Variants in CALD1 observed in about 807,000 individuals in gnomAD.
CALD1 encodes the protein caldesmon.
CALD1 carries 33 observed loss-of-function variants against 99.9 expected under a neutral mutation model. The observed-to-expected ratio is 0.33, with a 90% confidence interval of 0.25 to 0.44. The LOEUF is 0.44. Among genes scored for constraint, CALD1 ranks in the 20% least tolerant of loss-of-function variants. The probability of loss-of-function intolerance (pLI) is 1.00; values close to 1 mark genes in which losing one functional copy is unlikely to be tolerated. For synonymous variants in CALD1, 310 were observed against 325.0 expected (o/e 0.95, Z 0.50); for missense variants, 861 against 962.1 (o/e 0.89, Z 1.39).
intron 3 of CALD1, among the ~76,000 whole-genome samples, chr7:134,904,144 A>G (rs1425721064): frequency 6.6e-6 from 1 of 152,016 alleles, no homozygotes; most frequent in Non-Finnish European, 1.5e-5. Flanking sequence ...AATCACTTTA[A>G]CCCAGGAGGC....
At chr7:134,733,605 G>A in the CALD1 span, among the ~76,000 whole-genome samples, 4 of 151,796 alleles carry the variant, frequency 2.6e-5, no homozygotes, top group East Asian at 5.8e-4. Flanking sequence ...TCAGGAGATC[G>A]AGACCATCCT....
At chr7:134,895,057 C>T (rs1802462778) in intron 3 of CALD1, among the ~76,000 whole-genome samples, 1 of 151,394 alleles carries the variant, frequency 6.6e-6, no homozygotes, top group Non-Finnish European at 1.5e-5. Context: ...GTTCATCCCA[C>T]TGTTTTCTGA....
intron 3 of CALD1, among the ~76,000 whole-genome samples, chr7:134,918,626 A>G (rs547565086): frequency 5.9e-5 from 9 of 152,372 alleles, no homozygotes; most frequent in Non-Finnish European, 1.3e-4. Flanking sequence ...AGAGGAGCAC[A>G]TAAGGATCCC....
chr7:134,962,630 G>T (rs1808366041), intron 13 of CALD1, among the ~76,000 whole-genome samples: 1 of 152,180 alleles, frequency 6.6e-6, no homozygotes, highest in South Asian at 2.1e-4. Context: ...CTACTGGGAT[G>T]TCCCTTGCTA....
At chr7:134,853,305 G>A (rs1800155719) in intron 2 of CALD1, among the ~76,000 whole-genome samples, 1 of 152,138 alleles carries the variant, frequency 6.6e-6, no homozygotes, top group Non-Finnish European at 1.5e-5. Context: ...TTATTTATCT[G>A]CACCTAGGGG....
chr7:134,959,887 T>C, intron 11 of CALD1, 87 bp from the exon 12 acceptor site: 2 of 1,392,066 alleles, frequency 1.4e-6, no homozygotes, highest in Non-Finnish European at 2.0e-6. Flanking sequence ...ATTTTTAAGA[T>C]GATAATGTTG....
intron 1 of CALD1, among the ~76,000 whole-genome samples, chr7:134,761,238 C>T (rs1796773707): frequency 1.3e-5 from 2 of 152,188 alleles, no homozygotes; most frequent in South Asian, 4.1e-4. Flanking sequence ...CAACCCCCTG[C>T]TCCAACCCAG....
intron 3 of CALD1, chr7:134,920,797 TG>T: frequency 1.3e-6 from 1 of 741,180 alleles, no homozygotes; most frequent in East Asian, 6.5e-5. Flanking sequence ...TTTGATCTGT[TG>T]GAATTTTAGG....
At chr7:134,855,250 G>C (rs771193765) in intron 2 of CALD1, among the ~76,000 whole-genome samples, 2 of 152,222 alleles carry the variant, frequency 1.3e-5, no homozygotes, top group Non-Finnish European at 2.9e-5. Flanking sequence ...TAATGTCCAC[G>C]TTCACTTGTC....
At chr7:134,770,277 T>G (rs1796866586) in intron 1 of CALD1, among the ~76,000 whole-genome samples, 1 of 152,184 alleles carries the variant, frequency 6.6e-6, no homozygotes. Flanking sequence ...GAAACCAAAC[T>G]GCAGAGCAGC....
chr7:134,848,694 T>C (rs940741033), intron 2 of CALD1, among the ~76,000 whole-genome samples: 11 of 152,272 alleles, frequency 7.2e-5, no homozygotes, highest in Admixed American at 6.5e-4. Flanking sequence ...ATTCCTCCCA[T>C]AAGTATATGA....
chr7:134,746,007 A>C (rs947256051), intron 1 of CALD1, among the ~76,000 whole-genome samples: 1 of 152,146 alleles, frequency 6.6e-6, no homozygotes, highest in African/African-American at 2.4e-5. Context: ...GTTCATGTTG[A>C]CTGAAGAGAA....
chr7:134,757,105 G>T (rs1796736535), intron 1 of CALD1, among the ~76,000 whole-genome samples: 1 of 118,982 alleles, frequency 8.4e-6, no homozygotes. Context: ...TTTTTCTTGG[G>T]CTTTTTTTTT....
chr7:134,879,420 C>G (rs186367269), intron 3 of CALD1, among the ~76,000 whole-genome samples: 1 of 152,218 alleles, frequency 6.6e-6, no homozygotes, highest in Non-Finnish European at 1.5e-5. Context: ...CCTGCATTAA[C>G]GCAGACTGTT....
chr7:134,939,089 C>T (rs771586482), intron 6 of CALD1, among the ~76,000 whole-genome samples: 1 of 152,188 alleles, frequency 6.6e-6, no homozygotes, highest in Non-Finnish European at 1.5e-5. Flanking sequence ...AACATAAACT[C>T]CAGTCCATGG....
chr7:134,735,794 T>A, the CALD1 span, among the ~76,000 whole-genome samples: 58 of 152,186 alleles, frequency 3.8e-4, no homozygotes, highest in African/African-American at 1.4e-3. Context: ...GGATTAAACA[T>A]TGCTAGGAGG....
chr7:134,766,072 G>A (rs2131611472), intron 1 of CALD1, among the ~76,000 whole-genome samples: 1 of 151,824 alleles, frequency 6.6e-6, no homozygotes, highest in Middle Eastern at 3.4e-3. Flanking sequence ...CCAGAAGGTG[G>A]GCAGGTGCTG....
intron 2 of CALD1, 95 bp downstream of exon 2, chr7:134,844,066 AT>A (rs1799754910): frequency 6.6e-6 from 1 of 152,224 alleles, no homozygotes; most frequent in African/African-American, 2.4e-5. Flanking sequence ...ACATCTGAAG[AT>A]GCACTGTGAG....
intron 3 of CALD1, among the ~76,000 whole-genome samples, chr7:134,912,177 G>T (rs989432673): frequency 6.6e-6 from 1 of 152,198 alleles, no homozygotes; most frequent in Non-Finnish European, 1.5e-5. Flanking sequence ...GACCCCATGT[G>T]ACTGGTCCTG....
Sources: allele counts gnomAD v4.1 joint callset (sites outside exome capture counted in the v4.1 genomes callset), GRCh38; gene constraint gnomAD v4.1.1; transcripts MANE v1.5; gene names NCBI Gene and HGNC (gene_info 2026-07-23, HGNC 2026-07-21).